LAMA2: variants seen among roughly 807,000 people sequenced by gnomAD.
LAMA2 encodes the protein laminin subunit alpha-2.
In LAMA2, 269 loss-of-function variants were observed where a neutral mutation model predicts 364.8. The ratio of observed to expected loss-of-function variants is 0.74; its 90% CI spans 0.67 to 0.82. The LOEUF is 0.82. LAMA2 is among the 40% of genes least tolerant of loss of function. The probability of loss-of-function intolerance (pLI) is 0.00; values close to 1 mark genes in which losing one functional copy is unlikely to be tolerated. For missense variants in LAMA2, 3,807 were observed against 3,873.2 expected, an observed-to-expected ratio of 0.98 and a Z score of 0.45; for synonymous variants, 1,379 against 1,370.6, an observed-to-expected ratio of 1.01 and a Z score of -0.14.
chr6:128,913,931 T>C (rs1282575598), intron 1 of LAMA2, among the ~76,000 whole-genome samples: 14 of 152,084 alleles, frequency 9.2e-5, no homozygotes, highest in Non-Finnish European at 2.1e-4. Context: ...TGCCATTAAA[T>C]TCAGCTATCC....
At chr6:129,207,093 CAG>C (rs1235694268) in intron 12 of LAMA2, among the ~76,000 whole-genome samples, 1 of 152,184 alleles carries the variant, frequency 6.6e-6, no homozygotes, top group African/African-American at 2.4e-5. Context: ...GTGACAGCCA[CAG>C]GAGCAGAGAG....
intron 4 of LAMA2, among the ~76,000 whole-genome samples, chr6:129,130,579 G>A (rs977719373): frequency 5.3e-5 from 8 of 152,192 alleles, no homozygotes; most frequent in African/African-American, 1.7e-4. Flanking sequence ...AGATGTAGAG[G>A]AAACCTACAA....
intron 1 of LAMA2, among the ~76,000 whole-genome samples, chr6:128,982,784 C>T (rs1782972785): frequency 7.4e-6 from 1 of 135,396 alleles, no homozygotes; most frequent in African/African-American, 2.8e-5. Flanking sequence ...ACAACAGTCC[C>T]CAGAGTGTGA....
intron 45 of LAMA2, among the ~76,000 whole-genome samples, chr6:129,451,738 T>G (rs1782686017): frequency 6.6e-6 from 1 of 152,114 alleles, no homozygotes; most frequent in African/African-American, 2.4e-5. Flanking sequence ...TCCAACCAAT[T>G]TGGCACCCAA....
At chr6:129,476,720 T>A (rs1784083248) in intron 53 of LAMA2, among the ~76,000 whole-genome samples, 1 of 152,186 alleles carries the variant, frequency 6.6e-6, no homozygotes, top group Non-Finnish European at 1.5e-5. Context: ...ACACTGTTAA[T>A]GAAATTCACC....
rs150350599 is a variant in LAMA2, at chr6:129,290,364, G to A, written c.2750-1250G>A. Among the ~76,000 whole-genome samples, 22 of 152,196 alleles carry A rather than the reference G, an allele frequency of 1.4e-4. No homozygotes were observed. In the East Asian group the frequency reaches 2.3e-3, roughly 16 times the overall value. On this transcript the variant is annotated intron_variant, in intron 19 of 64. Coordinates refer to ENST00000421865, the MANE Select transcript of LAMA2 (RefSeq NM_000426.4). Reference sequence around the variant, plus strand: ...CTTGTATTTCAGCTATAGACTATCCGTAGGCTCTTTCAGTTTCTCAATGGC... The same window carrying A: ...CTTGTATTTCAGCTATAGACTATCCATAGGCTCTTTCAGTTTCTCAATGGC...
intron 1 of LAMA2, among the ~76,000 whole-genome samples, chr6:129,049,098 G>C (rs1414317034): frequency 6.6e-6 from 1 of 151,996 alleles, no homozygotes; most frequent in Non-Finnish European, 1.5e-5. Flanking sequence ...GAGTGACTTT[G>C]CTATACTGTT....
At position 129,226,280 on chromosome 6, in the gene LAMA2, C is replaced by A. The variant is rs1382227082; in HGVS notation, c.1783-23832C>A. Among the ~76,000 whole-genome samples the A allele has an allele frequency of 2.6e-5, 4 of 152,124 alleles. No homozygotes were observed. The East Asian group carries it at 5.8e-4, about 22-fold the overall frequency. On this transcript the variant is annotated intron_variant, in intron 12 of 64. Transcript: ENST00000421865. ...TACAGCACACTGATGGGTCTTGAGT[C>A]TTTATCCAATTTGCCAGTCTGTGTC...
intron 29 of LAMA2, among the ~76,000 whole-genome samples, chr6:129,333,626 T>C (rs556310424): frequency 1.3e-5 from 2 of 152,282 alleles, no homozygotes; most frequent in East Asian, 3.9e-4. Flanking sequence ...ATAATTACTA[T>C]CTTGCTTTAG....
At chr6:129,020,658 G>C (rs560672340) in intron 1 of LAMA2, among the ~76,000 whole-genome samples, 1 of 152,304 alleles carries the variant, frequency 6.6e-6, no homozygotes, top group South Asian at 2.1e-4. Flanking sequence ...TGTCCCGGGA[G>C]TTTCCTCTCC....
At chr6:129,115,441 C>T (rs905791797) in intron 4 of LAMA2, among the ~76,000 whole-genome samples, 1 of 151,950 alleles carries the variant, frequency 6.6e-6, no homozygotes, top group African/African-American at 2.4e-5. Context: ...TTTTATTTGT[C>T]GGATGCATAT....
chr6:129,509,533 T>C (rs999055650), intron 62 of LAMA2, among the ~76,000 whole-genome samples: 2 of 152,188 alleles, frequency 1.3e-5, no homozygotes, highest in African/African-American at 4.8e-5. Flanking sequence ...TTTTTGTATA[T>C]GGCGAGAGAT....
intron 4 of LAMA2, 23 bp from the exon 5 acceptor site, chr6:129,143,878 A>AAC: frequency 6.6e-7 from 1 of 1,518,704 alleles, no homozygotes; most frequent in Non-Finnish European, 9.1e-7. Flanking sequence ...CATAATTGTT[A>AAC]AATTATTTTT....
chr6:129,218,723 A>G (rs1256837069), intron 12 of LAMA2, among the ~76,000 whole-genome samples: 2 of 152,182 alleles, frequency 1.3e-5, no homozygotes, highest in Non-Finnish European at 2.9e-5. Context: ...AAATTAGAGA[A>G]CAGCTGAAAT....
chr6:128,983,073 A>G (rs1749101593), intron 1 of LAMA2, among the ~76,000 whole-genome samples: 1 of 151,704 alleles, frequency 6.6e-6, no homozygotes, highest in Non-Finnish European at 1.5e-5. Context: ...CAATAAACAT[A>G]CGTGTGCATG....
intron 4 of LAMA2, among the ~76,000 whole-genome samples, chr6:129,112,732 GA>G (rs201848617): frequency 4.8e-4 from 71 of 147,374 alleles, no homozygotes; most frequent in African/African-American, 1.4e-3. Context: ...GAGAGAGAGA[GA>G]AAAAAAAAAC....
chr6:129,053,266 T>C (rs1267652118), intron 2 of LAMA2, among the ~76,000 whole-genome samples: 2 of 152,120 alleles, frequency 1.3e-5, no homozygotes, highest in Non-Finnish European at 2.9e-5. Context: ...GGTTTCTCCA[T>C]GTTGGTTAGG....
At chr6:129,216,063 A>G (rs956356409) in intron 12 of LAMA2, among the ~76,000 whole-genome samples, 2 of 152,190 alleles carry the variant, frequency 1.3e-5, no homozygotes, top group Non-Finnish European at 2.9e-5. Flanking sequence ...AATGAGCTCA[A>G]GATATTATCA....
At chr6:128,917,890 C>A (rs1462542236) in intron 1 of LAMA2, among the ~76,000 whole-genome samples, 2 of 151,604 alleles carry the variant, frequency 1.3e-5, no homozygotes, top group Non-Finnish European at 2.9e-5. Context: ...CTTGCCACCC[C>A]ACCTGGCTAA....
Sources: gnomAD v4.1 joint callset for allele counts (sites outside exome capture counted in the v4.1 genomes callset) on GRCh38, gnomAD v4.1.1 for gene constraint, MANE v1.5 for transcripts, NCBI Gene and HGNC (gene_info 2026-07-23, HGNC 2026-07-21) for gene names.